The following CAST variants were observed in gnomAD, a reference collection of about 807,000 sequenced individuals.
The protein encoded by CAST is calpastatin.
A neutral mutation model predicts 119.6 loss-of-function variants in CAST; 76 were observed. The ratio of observed to expected loss-of-function variants is 0.64; its 90% CI spans 0.53 to 0.77. The LOEUF is 0.77. CAST is among the 30% of genes least tolerant of loss of function. The probability of loss-of-function intolerance (pLI) is 0.00; values close to 1 mark genes in which losing one functional copy is unlikely to be tolerated. For synonymous variants in CAST, 319 were observed against 331.6 expected (o/e 0.96, Z 0.41); for missense variants, 953 against 946.5 (o/e 1.01, Z -0.09).
At chr5:96,109,911 T>C in the CAST span, among the ~76,000 whole-genome samples, 4 of 151,630 alleles carry the variant, frequency 2.6e-5, no homozygotes, top group East Asian at 5.8e-4. Context: ...TTTTAGTATA[T>C]TTAAAGTACA....
intron 1 of CAST, among the ~76,000 whole-genome samples, chr5:96,572,671 C>T (rs955447764): frequency 6.6e-6 from 1 of 152,194 alleles, no homozygotes; most frequent in African/African-American, 2.4e-5. Context: ...CTCCTACCTC[C>T]TCCCAATTAC....
chr5:96,174,342 C>T, the CAST span, among the ~76,000 whole-genome samples: 1 of 152,222 alleles, frequency 6.6e-6, no homozygotes, highest in East Asian at 1.9e-4. Flanking sequence ...CTCCAATTTT[C>T]ACAATTAGTC....
chr5:96,269,241 G>A, the CAST span, among the ~76,000 whole-genome samples: 15 of 152,112 alleles, frequency 9.9e-5, no homozygotes, highest in Non-Finnish European at 2.1e-4. Flanking sequence ...TAACGTGAAA[G>A]GGGACAATTC....
chr5:96,367,782 G>A, the CAST span, among the ~76,000 whole-genome samples: 3 of 152,058 alleles, frequency 2.0e-5, no homozygotes, highest in Non-Finnish European at 4.4e-5. Context: ...CGGGTGAGGT[G>A]ATGCCTCGCC....
In CAST at chr5:96,711,425, T is replaced by C. The variant is rs576816809; in HGVS notation, c.211-11214T>C. Among the ~76,000 whole-genome samples the C allele has an allele frequency of 1.2e-4, 18 of 152,358 alleles. No individual in the cohort carries two copies. In the East Asian group the frequency reaches 3.5e-3, roughly 29 times the overall value. ...GCACGTATATAGTTTAGAGAAACTC[T>C]ACAGGATGTAGATTTTGAAAATAAA... On this transcript the variant is annotated intron_variant, in intron 3 of 31. Transcript: ENST00000675179.
chr5:95,991,496 TG>T, the CAST span, among the ~76,000 whole-genome samples: 3,151 of 135,174 alleles, frequency 0.023, 158 homozygotes, highest in East Asian at 0.21. Context: ...CAACAAGTTT[TG>T]TTTTTTTTTT....
the CAST span, among the ~76,000 whole-genome samples, chr5:96,368,740 C>A: frequency 2.0e-5 from 3 of 151,984 alleles, no homozygotes; most frequent in South Asian, 4.2e-4. Context: ...TTGAATTGCT[C>A]CTTCATATTG....
At chr5:96,740,912 G>A (rs112987102) in intron 13 of CAST, 129 bp downstream of exon 13, 213 of 690,422 alleles carry the variant, frequency 3.1e-4, no homozygotes, top group African/African-American at 3.0e-3. Context: ...GAGTTTCTGT[G>A]TGTTCAGAGA....
At chr5:96,082,754 A>G in the CAST span, among the ~76,000 whole-genome samples, 2 of 152,208 alleles carry the variant, frequency 1.3e-5, no homozygotes, top group African/African-American at 4.8e-5. Flanking sequence ...GATTATTTAT[A>G]AAAGAAATAT....
At chr5:96,049,910 A>G in the CAST span, among the ~76,000 whole-genome samples, 162 of 149,098 alleles carry the variant, frequency 1.1e-3, no homozygotes, top group African/African-American at 3.8e-3. Flanking sequence ...AAAAAAAAAA[A>G]AAAAAAAGAA....
intron 1 of CAST, among the ~76,000 whole-genome samples, chr5:96,616,719 G>GCGCT (rs1314785877): frequency 2.1e-5 from 3 of 142,422 alleles, no homozygotes; most frequent in East Asian, 2.3e-4. Flanking sequence ...TAGACACCAA[G>GCGCT]CGCTCGCTCG....
At chr5:96,676,054 T>A (rs1049454053) in intron 2 of CAST, 1 of 153,040 alleles carries the variant, frequency 6.5e-6, no homozygotes, top group Non-Finnish European at 1.5e-5. Context: ...ACAGATTCTG[T>A]GGAAAACTAG....
At chr5:96,640,445 C>T (rs1442505573) in intron 1 of CAST, among the ~76,000 whole-genome samples, 2 of 152,212 alleles carry the variant, frequency 1.3e-5, no homozygotes, top group Admixed American at 6.5e-5. Context: ...ATTTCTCAAC[C>T]TTTATGCTTT....
the CAST span, among the ~76,000 whole-genome samples, chr5:96,140,848 T>C: frequency 6.6e-6 from 1 of 152,212 alleles, no homozygotes; most frequent in Non-Finnish European, 1.5e-5. Flanking sequence ...TTTATCCTTG[T>C]TCATCCTGAA....
At chr5:96,335,001 T>C in the CAST span, among the ~76,000 whole-genome samples, 1 of 152,088 alleles carries the variant, frequency 6.6e-6, no homozygotes, top group Non-Finnish European at 1.5e-5. Context: ...AGAAGATGCA[T>C]TGTCTCCTTT....
intron 1 of CAST, among the ~76,000 whole-genome samples, chr5:96,627,699 C>T (rs2150201058): frequency 6.6e-6 from 1 of 152,322 alleles, no homozygotes. Flanking sequence ...AATGTCTTTA[C>T]ACTCTCCTGG....
At chr5:96,736,682 A>G (rs938824342) in intron 10 of CAST, among the ~76,000 whole-genome samples, 1 of 152,312 alleles carries the variant, frequency 6.6e-6, no homozygotes, top group East Asian at 1.9e-4. Flanking sequence ...GTTGCAAAAA[A>G]AAAAGACAAT....
chr5:96,426,115 C>T, the CAST span, among the ~76,000 whole-genome samples: 1 of 152,136 alleles, frequency 6.6e-6, no homozygotes. Flanking sequence ...TGAATATTTC[C>T]TCTATTACAG....
the CAST span, among the ~76,000 whole-genome samples, chr5:96,202,885 A>G: frequency 6.6e-6 from 1 of 152,078 alleles, no homozygotes; most frequent in Non-Finnish European, 1.5e-5. Flanking sequence ...TAAGAATTAT[A>G]TATCTTTTTG....
Sources: allele counts gnomAD v4.1 joint callset (sites outside exome capture counted in the v4.1 genomes callset), GRCh38; gene constraint gnomAD v4.1.1; transcripts MANE v1.5; gene names NCBI Gene and HGNC (gene_info 2026-07-23, HGNC 2026-07-21).